KRT28: variants seen among roughly 807,000 people sequenced by gnomAD.
The protein encoded by KRT28 is keratin, type I cytoskeletal 28.
A neutral mutation model predicts 48.1 loss-of-function variants in KRT28; 45 were observed. The ratio of observed to expected loss-of-function variants is 0.94; its 90% CI spans 0.74 to 1.20. The LOEUF (loss-of-function observed/expected upper bound fraction) is 1.20. Among genes scored for constraint, KRT28 ranks in the 50% most tolerant of loss-of-function variants. KRT28 has a pLI of 0.00. For synonymous variants in KRT28, 228 were observed against 227.4 expected, an observed-to-expected ratio of 1.00 and a Z score of -0.03; for missense variants, 571 against 574.1, an observed-to-expected ratio of 0.99 and a Z score of 0.06.
intron 6 of KRT28, among the ~76,000 whole-genome samples, chr17:40,793,583 A>G (rs1005957744): frequency 6.6e-6 from 1 of 152,184 alleles, no homozygotes; most frequent in Non-Finnish European, 1.5e-5. Flanking sequence ...TGAAACCCAC[A>G]GTGATTAACA....
intron 5 of KRT28, 119 bp downstream of exon 5, chr17:40,796,797 C>G: frequency 7.5e-7 from 1 of 1,342,206 alleles, no homozygotes; most frequent in Admixed American, 2.3e-5. Flanking sequence ...CCTCCACTCT[C>G]TCTGCTAAGT....
At chr17:40,793,781 T>C in intron 6 of KRT28, 48 bp downstream of exon 6, 2 of 1,585,672 alleles carry the variant, frequency 1.3e-6, no homozygotes, top group Non-Finnish European at 1.7e-6. Flanking sequence ...AGCCCACATT[T>C]GTAGCTTAAA....
In KRT28 at chr17:40,798,377, A is replaced by G. The variant is rs762595491; in HGVS notation, c.548T>C (p.Leu183Pro). 6.2e-7 allele frequency: 1 copy of G among 1,606,846 alleles called. No homozygotes were observed. The highest frequency in any genetic ancestry group is 8.5e-7 in the Non-Finnish European group (1 of 1,175,462). The change falls in exon 3 of 8, where the codon CTC becomes CCC. Residue 183 changes from leucine to proline, a missense_variant. Leu to Pro is a moderately conservative substitution (Grantham distance 98, BLOSUM62 -3). Transcript: ENST00000306658. Reference protein sequence around the residue: ...DDFRLKYENELTLHQNVEADI... With the variant: ...DDFRLKYENEPTLHQNVEADI... ...GGCCTCTACGTTTTGGTGAAGGGTG[A>G]GCTCATTTTCATACCTTGGGGGGCA...
intron 3 of KRT28, among the ~76,000 whole-genome samples, chr17:40,797,814 C>A (rs947380001): frequency 1.3e-5 from 2 of 152,006 alleles, no homozygotes; most frequent in Admixed American, 1.3e-4. Flanking sequence ...CCACCACCAC[C>A]AAAAACAGTC....
At chr17:40,799,347 G>T in intron 1 of KRT28, 97 bp downstream of exon 1, 2 of 1,002,788 alleles carry the variant, frequency 2.0e-6, no homozygotes, top group Non-Finnish European at 2.9e-6. Flanking sequence ...ATAAATACAA[G>T]TTATAACAGT....
Position 40,794,015 on chromosome 17 carries a change from G to C in KRT28, c.1010C>G (p.Thr337Ser). The change falls in exon 6 of 8, where the codon ACC becomes AGC. Residue 337 changes from threonine to serine, a missense_variant. By Grantham distance (58) the Thr-to-Ser change is moderately conservative (BLOSUM62 1). Transcript: ENST00000306658. Reference protein sequence around the residue: ...KHSLECSLTETESNYCTQLAQ... With the variant: ...KHSLECSLTESESNYCTQLAQ... ...CAGCTGCGTACAGTAGTTGCTCTCG[G>C]TCTCTGTCAAGGAGCACTCCAGGGA... 6.2e-7 allele frequency: 1 copy of C among 1,613,938 alleles called. No homozygotes were observed. Among genetic ancestry groups the C allele is most frequent in the Non-Finnish European group, 8.5e-7 (1 of 1,179,872 alleles).
intron 5 of KRT28, 142 bp downstream of exon 5, chr17:40,796,774 T>G: frequency 8.7e-7 from 1 of 1,152,858 alleles, no homozygotes; most frequent in African/African-American, 1.5e-5. Context: ...ATGCATCTGT[T>G]TTTTCCTGCT....
rs143812819 is a variant in KRT28, at chr17:40,799,647, A to G, written c.247T>C (p.Ser83Pro). Residue 83 changes from serine to proline, a missense_variant, in exon 1 of 8, where the codon TCT becomes CCT. Transcript: ENST00000306658. ...GFAGSEGGLLSGNEKVTMQNL... is the reference protein window; with the variant it reads ...GFAGSEGGLLPGNEKVTMQNL... Reference sequence around the variant, plus strand: ...TGCATGGTCACCTTCTCATTTCCAGAGAGGAGTCCCCCTTCGCTTCCAGCA... The same window carrying G: ...TGCATGGTCACCTTCTCATTTCCAGGGAGGAGTCCCCCTTCGCTTCCAGCA... 2.5e-6 allele frequency: 4 copies of G among 1,614,182 alleles called. No homozygotes were observed. The highest frequency in any genetic ancestry group is 1.7e-6 in the Non-Finnish European group (2 of 1,180,038).
Position 40,798,398 on chromosome 17 carries a change from G to A in KRT28, c.534-7C>T, listed in dbSNP as rs1567692455. ...GGTGAGCTCATTTTCATACCTTGGG[G>A]GGCATTTAAGTGAATTTCAGTGCCA... On this transcript the variant is annotated splice_region_variant and splice_polypyrimidine_tract_variant and intron_variant, in intron 2 of 7. Transcript: ENST00000306658. 1 of 1,591,068 alleles carries A rather than the reference G, an allele frequency of 6.3e-7. No homozygotes were observed. Among genetic ancestry groups the A allele is most frequent in the East Asian group, 2.3e-5 (1 of 44,326 alleles).
Position 40,798,352 on chromosome 17 carries a change from G to A in KRT28, c.573C>T (p.Ala191=), listed in dbSNP as rs1465638965. The A allele has an allele frequency of 1.2e-6, 2 of 1,611,954 alleles. No homozygotes were observed. Among genetic ancestry groups the A allele is most frequent in the Non-Finnish European group, 1.7e-6 (2 of 1,178,856 alleles). ...NELTLHQNVE[A]DINGLRRVLD... is the part of the protein sequence containing the mutation. ...GGACTCGCCGTAATCCGTTGATGTCGGCCTCTACGTTTTGGTGAAGGGTGA... is the reference window on the plus strand; with the variant it reads ...GGACTCGCCGTAATCCGTTGATGTCAGCCTCTACGTTTTGGTGAAGGGTGA... The change falls in exon 3 of 8, where the codon GCC becomes GCT. Residue 191 remains alanine, a synonymous_variant. Coordinates refer to ENST00000306658, the MANE Select transcript of KRT28 (RefSeq NM_181535.3).
At chr17:40,798,191 A>G (rs761055435) in intron 3 of KRT28, 44 bp downstream of exon 3, 14 of 1,548,422 alleles carry the variant, frequency 9.0e-6, no homozygotes, top group Non-Finnish European at 1.2e-5. Flanking sequence ...CAGTATTTAA[A>G]ATGTACAGAG....
intron 7 of KRT28, 136 bp from the exon 8 acceptor site, chr17:40,792,705 A>AGTT: frequency 3.0e-6 from 2 of 665,440 alleles, no homozygotes; most frequent in Non-Finnish European, 4.9e-6. Flanking sequence ...AGCTTGGGAT[A>AGTT]GTTTTAGCCA....
chr17:40,794,363 T>TA (rs1431427451), intron 5 of KRT28, among the ~76,000 whole-genome samples: 1 of 152,198 alleles, frequency 6.6e-6, no homozygotes, highest in Non-Finnish European at 1.5e-5. Context: ...GGTAGCAGAA[T>TA]AAAAAATCGA....
chr17:40,796,800 T>C, intron 5 of KRT28, 116 bp downstream of exon 5: 1 of 1,360,358 alleles, frequency 7.4e-7, no homozygotes, highest in Non-Finnish European at 9.9e-7. Context: ...CCACTCTCTC[T>C]GCTAAGTATT....
intron 5 of KRT28, among the ~76,000 whole-genome samples, chr17:40,795,123 T>C (rs950184167): frequency 6.6e-6 from 1 of 152,112 alleles, no homozygotes; most frequent in Non-Finnish European, 1.5e-5. Context: ...CGGGCAGACA[T>C]TGGGTCTAAT....
chr17:40,797,715 C>T (rs1192685597), intron 3 of KRT28, among the ~76,000 whole-genome samples: 1 of 152,094 alleles, frequency 6.6e-6, no homozygotes, highest in Non-Finnish European at 1.5e-5. Flanking sequence ...CGCCACTGCA[C>T]TCCAGCCTGG....
rs554823307 is a variant in KRT28 at position 40,797,438 on chromosome 17, C to A, written c.691-157G>T. Among the ~76,000 whole-genome samples, 179 of 152,250 alleles carry A rather than the reference C, an allele frequency of 1.2e-3. 1 individual carries two copies. The highest frequency in any genetic ancestry group is 2.2e-3 in the Non-Finnish European group (148 of 68,016). On this transcript the variant is annotated intron_variant, in intron 3 of 7. Transcript: ENST00000306658. ...TTGACATATTCGGTCCATATTCATG[C>A]CAATCATCTATTTAATTAGTGAACT...
intron 2 of KRT28, 48 bp from the exon 3 acceptor site, chr17:40,798,439 GA>G: frequency 6.4e-7 from 1 of 1,553,078 alleles, no homozygotes. Flanking sequence ...ACTACCCCAA[GA>G]AACAGAAATA....
chr17:40,795,826 G>A (rs879565831), intron 5 of KRT28, among the ~76,000 whole-genome samples: 5 of 152,294 alleles, frequency 3.3e-5, no homozygotes, highest in Admixed American at 1.3e-4. Flanking sequence ...CACTCACACA[G>A]CTCCTGCAGC....
Sources: gnomAD v4.1 joint callset for allele counts (sites outside exome capture counted in the v4.1 genomes callset) on GRCh38, gnomAD v4.1.1 for gene constraint, MANE v1.5 for transcripts, NCBI Gene and HGNC (gene_info 2026-07-23, HGNC 2026-07-21) for gene names.